Variants in TBC1D5 observed in about 807,000 individuals in gnomAD.
TBC1D5 encodes TBC1 domain family, member 5.
In TBC1D5, 75 loss-of-function variants were observed where a neutral mutation model predicts 100.3. The observed-to-expected ratio is 0.75, with a 90% CI of 0.62 to 0.91. The LOEUF is 0.91. Among genes scored for constraint, TBC1D5 ranks in the 40% least tolerant of loss-of-function variants. The pLI, the probability that TBC1D5 is intolerant of heterozygous loss-of-function variation, is 0.00. For synonymous variants in TBC1D5, 323 were observed against 325.6 expected, an observed-to-expected ratio of 0.99 and a Z score of 0.09; for missense variants, 910 against 942.4, an observed-to-expected ratio of 0.97 and a Z score of 0.45.
rs371480863 is a variant in TBC1D5, at chr3:17,559,881, G to A, written c.-35-51276C>T. On this transcript the variant is annotated intron_variant, in intron 2 of 21. Coordinates refer to ENST00000253692, the Ensembl canonical transcript of TBC1D5. Reference sequence around the variant, plus strand: ...TGGGATTACAGGCGTGAGCCACCGCGCCCGGCCAAATCTAGAATTTTTTTA... The same window carrying A: ...TGGGATTACAGGCGTGAGCCACCGCACCCGGCCAAATCTAGAATTTTTTTA... 1.0e-3 allele frequency among the ~76,000 whole-genome samples: 157 copies of A among 152,158 alleles called. 2 individuals are homozygous for A. The South Asian group carries it at 0.018, about 18-fold the overall frequency.
chr3:17,448,465 T>C (rs2094849336), intron 3 of TBC1D5, among the ~76,000 whole-genome samples: 1 of 152,234 alleles, frequency 6.6e-6, no homozygotes, highest in Admixed American at 6.5e-5. Context: ...GGAATCACTA[T>C]CTATGGCAGC....
At chr3:17,238,804 A>C (rs2076083877) in intron 16 of TBC1D5, among the ~76,000 whole-genome samples, 2 of 152,188 alleles carry the variant, frequency 1.3e-5, no homozygotes, top group Admixed American at 1.3e-4. Flanking sequence ...TGGACTATGA[A>C]GGACAGGCTA....
chr3:17,400,001 T>G (rs1032818728), intron 8 of TBC1D5, among the ~76,000 whole-genome samples: 1 of 152,112 alleles, frequency 6.6e-6, no homozygotes, highest in Non-Finnish European at 1.5e-5. Context: ...CTTCTAGCTA[T>G]CTAGTTACTC....
At chr3:17,677,531 CTT>C (rs1056090306) in intron 1 of TBC1D5, among the ~76,000 whole-genome samples, 8 of 152,194 alleles carry the variant, frequency 5.3e-5, no homozygotes, top group Non-Finnish European at 1.0e-4. Context: ...AATAGGAACA[CTT>C]TTACACTGTT....
chr3:17,353,007 T>G (rs2090821797), intron 13 of TBC1D5, among the ~76,000 whole-genome samples: 1 of 152,058 alleles, frequency 6.6e-6, no homozygotes, highest in Non-Finnish European at 1.5e-5. Context: ...GCTAAGTAAT[T>G]TTTGAATTGA....
intron 1 of TBC1D5, chr3:17,664,974 G>C (rs1414643111): frequency 7.2e-6 from 1 of 138,460 alleles, no homozygotes; most frequent in African/African-American, 2.7e-5. Context: ...AAGGTTACAG[G>C]CTCTTTTAGA....
intron 2 of TBC1D5, among the ~76,000 whole-genome samples, chr3:17,535,197 T>C (rs1159273478): frequency 1.3e-5 from 2 of 152,248 alleles, no homozygotes; most frequent in African/African-American, 2.4e-5. Flanking sequence ...ATTTTCAGGG[T>C]TGTATCAGAA....
At chr3:17,527,051 A>G (rs565903734) in intron 2 of TBC1D5, among the ~76,000 whole-genome samples, 6 of 152,226 alleles carry the variant, frequency 3.9e-5, no homozygotes, top group Non-Finnish European at 8.8e-5. Flanking sequence ...TTAGTGGTGA[A>G]TAAGTAACTT....
intron 13 of TBC1D5, among the ~76,000 whole-genome samples, chr3:17,323,249 T>A (rs554715257): frequency 2.0e-5 from 3 of 152,348 alleles, no homozygotes; most frequent in Admixed American, 6.5e-5. Context: ...AGATATGAGA[T>A]GCAGACTCAT....
At chr3:17,436,342 A>G (rs1413532320) in intron 3 of TBC1D5, among the ~76,000 whole-genome samples, 1 of 152,206 alleles carries the variant, frequency 6.6e-6, no homozygotes, top group African/African-American at 2.4e-5. Context: ...AAGTCCTCAA[A>G]AAAAGTTAGC....
chr3:17,252,234 A>G (rs1200009411), intron 16 of TBC1D5, among the ~76,000 whole-genome samples: 4 of 152,166 alleles, frequency 2.6e-5, no homozygotes. Context: ...TGCTTAAGCA[A>G]TTTTACACAA....
At chr3:17,631,008 C>A (rs1407037215) in intron 1 of TBC1D5, among the ~76,000 whole-genome samples, 1 of 143,278 alleles carries the variant, frequency 7.0e-6, no homozygotes, top group Admixed American at 7.1e-5. Flanking sequence ...GGCACCACTG[C>A]ACTCTAGCCT....
chr3:17,189,517 T>A (rs2069597118), intron 18 of TBC1D5, among the ~76,000 whole-genome samples: 1 of 152,202 alleles, frequency 6.6e-6, no homozygotes, highest in Non-Finnish European at 1.5e-5. Flanking sequence ...ATAACTAGCA[T>A]CAAATCCCTT....
intron 19 of TBC1D5, among the ~76,000 whole-genome samples, chr3:17,179,915 C>T (rs2068246109): frequency 6.6e-6 from 1 of 152,182 alleles, no homozygotes; most frequent in Admixed American, 6.5e-5. Context: ...GGATGAGCAG[C>T]TCATGTATTC....
At chr3:17,711,535 CTATATT>C (rs1373499841) in intron 1 of TBC1D5, among the ~76,000 whole-genome samples, 1 of 152,054 alleles carries the variant, frequency 6.6e-6, no homozygotes, top group Non-Finnish European at 1.5e-5. Context: ...ATGTTTTACT[CTATATT>C]TATGAACAAT....
chr3:17,442,004 C>G (rs997577770), intron 3 of TBC1D5, among the ~76,000 whole-genome samples: 2 of 152,116 alleles, frequency 1.3e-5, no homozygotes, highest in African/African-American at 4.8e-5. Flanking sequence ...AAAACAAAAA[C>G]CACTTGAGTG....
chr3:17,186,710 C>CAAAAAAAAAAAAAAAAAAATAAAAAA (rs2069125213), intron 18 of TBC1D5, among the ~76,000 whole-genome samples: 1 of 27,272 alleles, frequency 3.7e-5, no homozygotes, highest in African/African-American at 1.1e-4. Flanking sequence ...ACTCTATCTC[C>CAAAAAAAAAAAAAAAAAAATAAAAAA]AAAAAAAAAA....
At chr3:17,374,745 C>T (rs2092631221) in intron 10 of TBC1D5, 66 bp from the exon 11 acceptor site, 10 of 1,533,852 alleles carry the variant, frequency 6.5e-6, no homozygotes, top group East Asian at 4.6e-5. Flanking sequence ...CAGAGTTTGC[C>T]TTATTCTATA....
intron 15 of TBC1D5, among the ~76,000 whole-genome samples, chr3:17,288,419 C>T (rs1443934033): frequency 1.3e-5 from 2 of 152,100 alleles, no homozygotes; most frequent in Non-Finnish European, 2.9e-5. Flanking sequence ...CTACAAGTCC[C>T]GGGGTAAATC....
Sources: allele counts gnomAD v4.1 joint callset (sites outside exome capture counted in the v4.1 genomes callset), GRCh38; gene constraint gnomAD v4.1.1; transcripts MANE v1.5; gene names NCBI Gene and HGNC (gene_info 2026-07-23, HGNC 2026-07-21).